Variants in CNOT8 observed in about 807,000 individuals in gnomAD.
The protein encoded by CNOT8 is CCR4-NOT transcription complex subunit 8.
Under a neutral mutation model 34.6 loss-of-function variants are expected in CNOT8, and 18 were observed. The ratio of observed to expected loss-of-function variants is 0.52; its 90% CI spans 0.36 to 0.77. The LOEUF is 0.77. CNOT8 is among the 30% of genes least tolerant of loss of function. The probability of loss-of-function intolerance (pLI) is 0.00; values close to 1 mark genes in which losing one functional copy is unlikely to be tolerated. For synonymous variants in CNOT8, 101 were observed against 118.8 expected, an observed-to-expected ratio of 0.85 and a Z score of 0.98; for missense variants, 189 against 347.9, an observed-to-expected ratio of 0.54 and a Z score of 3.63.
chr5:154,870,281 A>C (rs1476097410), intron 3 of CNOT8, among the ~76,000 whole-genome samples: 1 of 148,204 alleles, frequency 6.7e-6, no homozygotes, highest in Non-Finnish European at 1.5e-5. Flanking sequence ...ACGGAGTCTC[A>C]CTCTGTCACC....
chr5:154,871,628 C>A, intron 4 of CNOT8, 102 bp from the exon 5 acceptor site: 1 of 967,496 alleles, frequency 1.0e-6, no homozygotes, highest in Non-Finnish European at 1.5e-6. Context: ...GTGAAAGTTC[C>A]TAACATGAAG....
At chr5:154,869,277 G>A (rs1375349721) in intron 3 of CNOT8, among the ~76,000 whole-genome samples, 2 of 151,162 alleles carry the variant, frequency 1.3e-5, no homozygotes, top group South Asian at 2.1e-4. Flanking sequence ...GTGCCACCAC[G>A]CCCTGCTAAT....
intron 1 of CNOT8, among the ~76,000 whole-genome samples, 180 bp from the exon 2 acceptor site, chr5:154,863,027 G>A (rs1190179764): frequency 4.6e-5 from 7 of 152,088 alleles, no homozygotes; most frequent in African/African-American, 7.2e-5. Context: ...GTGTGTGTGC[G>A]TGTGTGCATG....
chr5:154,864,572 C>A, intron 2 of CNOT8, among the ~76,000 whole-genome samples: 1 of 151,894 alleles, frequency 6.6e-6, no homozygotes, highest in East Asian at 1.9e-4. Context: ...ATGGCTGTTT[C>A]ACTTCCCTGT....
intron 2 of CNOT8, among the ~76,000 whole-genome samples, chr5:154,863,691 G>A (rs868553923): frequency 1.3e-5 from 2 of 152,164 alleles, no homozygotes; most frequent in Admixed American, 6.5e-5. Flanking sequence ...AAATTAAACC[G>A]GATGGAAGGT....
intron 5 of CNOT8, 92 bp from the exon 6 acceptor site, chr5:154,872,449 T>G: frequency 2.9e-6 from 2 of 678,394 alleles, no homozygotes. Flanking sequence ...CACTTCTTGC[T>G]AGAATTCAGT....
rs1420549896 is a variant in CNOT8, at chr5:154,876,182, TC to T, written c.*744del. The T allele has an allele frequency of 6.6e-6, 1 of 152,244 alleles. No homozygotes were observed. The highest frequency in any genetic ancestry group is 1.5e-5 in the Non-Finnish European group (1 of 68,050). The allele number at this position is 152,244 out of a possible 1,614,324, so 9.4% of individuals were successfully genotyped here. A position where few individuals can be genotyped will look rare whatever the true frequency, so the allele number is the denominator to read the frequency against. ...ATTCAGGTTTGCTGTCACATATGCA[TC>T]ATCTGAAATCATTTGAAATTTTTGT... is the stretch of plus-strand genomic sequence containing the variant. On this transcript the variant is annotated 3_prime_UTR_variant, in exon 7 of 7. Coordinates refer to ENST00000285896, the MANE Select transcript of CNOT8 (RefSeq NM_001301073.2).
intron 5 of CNOT8, among the ~76,000 whole-genome samples, chr5:154,872,221 G>C (rs1403559): frequency 0.89 from 135,488 of 152,280 alleles, 61,079 homozygotes; most frequent in African/African-American, 0.98. Context: ...ACTTGGTACC[G>C]TAATAAATTG....
intron 1 of CNOT8, among the ~76,000 whole-genome samples, chr5:154,861,733 C>T (rs191164280): frequency 7.5e-4 from 115 of 152,358 alleles, no homozygotes; most frequent in African/African-American, 2.6e-3. Context: ...GAGTCTCGCT[C>T]TGTCGCCCAG....
At chr5:154,870,876 G>A (rs1020891201) in intron 4 of CNOT8, 54 bp downstream of exon 4, 2 of 1,477,830 alleles carry the variant, frequency 1.4e-6, no homozygotes, top group African/African-American at 2.8e-5. Context: ...ACTGAAGCAG[G>A]GAATTGAATT....
chr5:154,875,542 G>C lies in CNOT8; in HGVS notation c.*103G>C. 1 of 1,252,558 alleles carries C rather than the reference G, an allele frequency of 8.0e-7. No homozygotes were observed. Among genetic ancestry groups the C allele is most frequent in the South Asian group, 1.5e-5 (1 of 67,832 alleles). The allele number at this position is 1,252,558 out of a possible 1,614,324, so 77.6% of individuals were successfully genotyped here. A position where few individuals can be genotyped will look rare whatever the true frequency, so the allele number is the denominator to read the frequency against. On this transcript the variant is annotated 3_prime_UTR_variant, in exon 7 of 7. Coordinates refer to ENST00000285896, the MANE Select transcript of CNOT8 (RefSeq NM_001301073.2). ...AGAAAATGCTTCTTTTGAGCACACT[G>C]TACCTACCATCTGCATTGAGCAGAA...
In CNOT8 at chr5:154,861,900, G is replaced by A. The variant is rs542929679; in HGVS notation, c.-72-1307G>A. Among the ~76,000 whole-genome samples the A allele has an allele frequency of 1.2e-3, 183 of 152,224 alleles. 1 individual carries two copies. Among genetic ancestry groups the A allele is most frequent in the Admixed American group, 2.3e-3 (35 of 15,288 alleles). On this transcript the variant is annotated intron_variant, in intron 1 of 6. Coordinates refer to ENST00000285896, the MANE Select transcript of CNOT8 (RefSeq NM_001301073.2). The stretch of plus-strand genomic sequence containing the variant: ...TTTTTAGTAGAGACGGAGTTTCACC[G>A]TGTTAGCCAGGATGGTCTCTATCTC...
At chr5:154,874,355 TC>T (rs1762749937) in intron 6 of CNOT8, among the ~76,000 whole-genome samples, 2 of 151,856 alleles carry the variant, frequency 1.3e-5, no homozygotes. Flanking sequence ...GGCAAGTGGA[TC>T]ACTTGAGGTC....
intron 4 of CNOT8, among the ~76,000 whole-genome samples, chr5:154,871,144 C>G (rs1293311057): frequency 6.6e-6 from 1 of 152,126 alleles, no homozygotes; most frequent in Non-Finnish European, 1.5e-5. Context: ...ACTTGAAAGC[C>G]AGATTCTCCT....
In CNOT8 at chr5:154,865,255, C is replaced by T; in HGVS notation, c.181C>T (p.Gln61Ter). ...TGAATTTCGTAGTTCCATAGATTAC[C>T]AATATCAGCTTCTGCGGTGCAATGT... ...IGEFRSSIDYQYQLLRCNVDL... is the reference protein window; with the variant it reads ...IGEFRSSIDY The change falls in exon 3 of 7, where the codon CAA becomes TAA. Residue 61 changes from glutamine (Q) to a stop codon, truncating the protein, a stop_gained. Transcript: ENST00000285896. LOFTEE classifies it high-confidence loss of function. 6.2e-7 allele frequency: 1 copy of T among 1,611,480 alleles called. No individual in the cohort carries two copies. The highest frequency in any genetic ancestry group is 8.5e-7 in the Non-Finnish European group (1 of 1,179,448).
intron 2 of CNOT8, among the ~76,000 whole-genome samples, chr5:154,864,162 T>C (rs895550835): frequency 1.3e-5 from 2 of 152,154 alleles, no homozygotes; most frequent in Admixed American, 1.3e-4. Context: ...GACTCCTGCT[T>C]TAGAAATTAT....
chr5:154,866,411 AT>A (rs907839294), intron 3 of CNOT8, among the ~76,000 whole-genome samples: 1 of 151,870 alleles, frequency 6.6e-6, no homozygotes, highest in African/African-American at 2.4e-5. Context: ...GGAAGGAGTA[AT>A]TTTTTTTATT....
chr5:154,867,378 A>C (rs1002497086), intron 3 of CNOT8, among the ~76,000 whole-genome samples: 1 of 152,140 alleles, frequency 6.6e-6, no homozygotes, highest in Non-Finnish European at 1.5e-5. Context: ...TAATTTTTTC[A>C]GTTTTTTTCA....
rs1004662961 is a variant in CNOT8, at chr5:154,866,857, G to A, written c.311+1472G>A. Among the ~76,000 whole-genome samples the A allele has an allele frequency of 6.6e-5, 10 of 152,282 alleles. No homozygotes were observed. In the East Asian group the frequency reaches 1.7e-3, roughly 26 times the overall value. ...GAACCTGTGAGGTGGAGGCTGCAGT[G>A]AGTCGAGATTGTGCCACTGCACTCC... On this transcript the variant is annotated intron_variant, in intron 3 of 6. Coordinates refer to ENST00000285896, the MANE Select transcript of CNOT8 (RefSeq NM_001301073.2).
Sources: allele counts gnomAD v4.1 joint callset (sites outside exome capture counted in the v4.1 genomes callset), GRCh38; gene constraint gnomAD v4.1.1; transcripts MANE v1.5; gene names NCBI Gene and HGNC (gene_info 2026-07-23, HGNC 2026-07-21).